WDR5: variants seen among roughly 807,000 people sequenced by gnomAD.
WDR5 encodes the protein WD repeat-containing protein 5.
For synonymous variants in WDR5, 144 were observed against 161.6 expected (o/e 0.89, Z 0.83); for missense variants, 187 against 416.9 (o/e 0.45, Z 4.80).
Position 134,142,407 on chromosome 9 carries a change from T to C in WDR5, c.429T>C (p.Leu143=). Residue 143 remains leucine (L), a synonymous_variant, in exon 6 of 14, where the codon CTT becomes CTC. Coordinates refer to ENST00000358625, the MANE Select transcript of WDR5 (RefSeq NM_017588.3). ...GCAACTTCAATCCCCAGTCCAACCTTATTGTCTCAGGATCCGTAAGTGTGG... is the reference window on the plus strand; with the variant it reads ...GCAACTTCAATCCCCAGTCCAACCTCATTGTCTCAGGATCCGTAAGTGTGG... ...FCCNFNPQSN[L]IVSGSFDESV... is the part of the protein sequence containing the mutation. 1 of 1,614,164 alleles carries C rather than the reference T, an allele frequency of 6.2e-7. No homozygotes were observed. The highest frequency in any genetic ancestry group is 2.2e-5 in the East Asian group (1 of 44,884).
intron 8 of WDR5, among the ~76,000 whole-genome samples, chr9:134,149,890 C>T (rs979012365): frequency 1.2e-4 from 19 of 152,168 alleles, no homozygotes; most frequent in African/African-American, 4.6e-4. Flanking sequence ...GCAGCGAGCT[C>T]GGCCACAGCT....
intron 8 of WDR5, among the ~76,000 whole-genome samples, chr9:134,149,260 G>A (rs1309343298): frequency 1.3e-5 from 2 of 152,148 alleles, no homozygotes; most frequent in Non-Finnish European, 2.9e-5. Context: ...CCCAACCACC[G>A]GCCTCCCATG....
chr9:134,144,035 T>G (rs1469216064), intron 7 of WDR5, among the ~76,000 whole-genome samples: 1 of 152,246 alleles, frequency 6.6e-6, no homozygotes, highest in Admixed American at 6.5e-5. Context: ...TGCCTTTCAC[T>G]TTGTGCCATC....
At chr9:134,135,505 C>T (rs1186421925), upstream of WDR5, 2 of 152,294 alleles carry the variant, frequency 1.3e-5, no homozygotes, top group Non-Finnish European at 2.9e-5. Context: ...GCAGCCGGCC[C>T]CGCGGGAAGG....
At chr9:134,152,589 C>T (rs769384002) in intron 9 of WDR5, among the ~76,000 whole-genome samples, 11 of 152,164 alleles carry the variant, frequency 7.2e-5, no homozygotes, top group East Asian at 3.9e-4. Context: ...CAGAAAGGAG[C>T]GGAAGGGTTT....
intron 8 of WDR5, among the ~76,000 whole-genome samples, chr9:134,150,046 C>T (rs956177005): frequency 4.6e-5 from 7 of 152,214 alleles, no homozygotes; most frequent in South Asian, 2.1e-4. Context: ...CTTATCCCAA[C>T]GATTCGAGAC....
chr9:134,139,821 C>A lies in WDR5; in HGVS notation c.-57C>A. 6.3e-7 allele frequency: 1 copy of A among 1,581,282 alleles called. No individual in the cohort carries two copies. Among genetic ancestry groups the A allele is most frequent in the Non-Finnish European group, 8.7e-7 (1 of 1,151,752 alleles). On this transcript the variant is annotated splice_region_variant and 5_prime_UTR_variant, in exon 2 of 14. In the 5' UTR this introduces an upstream ATG that the reference lacks. Coordinates refer to ENST00000358625, the MANE Select transcript of WDR5 (RefSeq NM_017588.3). Reference sequence around the variant, plus strand: ...CCTGTTCTGCATCTCGCTCAACAGACTGCCTCTGTCACCGGGTCCCTCCAC... The same window carrying A: ...CCTGTTCTGCATCTCGCTCAACAGAATGCCTCTGTCACCGGGTCCCTCCAC...
intron 1 of WDR5, among the ~76,000 whole-genome samples, chr9:134,137,684 C>CAA (rs538705043): frequency 0.15 from 15,678 of 104,828 alleles, 1,189 homozygotes; most frequent in East Asian, 0.27. Context: ...AAAACAAAAA[C>CAA]AAAAAAAAAA....
intron 3 of WDR5, 41 bp downstream of exon 3, chr9:134,140,852 C>T: frequency 6.3e-7 from 1 of 1,583,046 alleles, no homozygotes; most frequent in Non-Finnish European, 8.7e-7. Context: ...GAGAGGCGGT[C>T]TGAGCTGCAG....
intron 8 of WDR5, among the ~76,000 whole-genome samples, chr9:134,148,836 A>G (rs1832348184): frequency 6.6e-6 from 1 of 152,180 alleles, no homozygotes; most frequent in African/African-American, 2.4e-5. Context: ...AGGTCTCAGC[A>G]GGTGTTTGTA....
chr9:134,155,216 T>C, intron 10 of WDR5, 124 bp from the exon 11 acceptor site: 1 of 1,209,150 alleles, frequency 8.3e-7, no homozygotes, highest in Non-Finnish European at 1.1e-6. Context: ...GGAAGGGGGT[T>C]CCAGCCCCGC....
At chr9:134,142,296 T>G (rs1310983445) in intron 5 of WDR5, 37 bp from the exon 6 acceptor site, 1 of 1,595,002 alleles carries the variant, frequency 6.3e-7, no homozygotes, top group Non-Finnish European at 8.6e-7. Context: ...TTTGGGGAAA[T>G]AAGCACTGGA....
intron 11 of WDR5, 89 bp downstream of exon 11, chr9:134,155,462 A>T: frequency 6.7e-7 from 1 of 1,495,616 alleles, no homozygotes; most frequent in Non-Finnish European, 9.0e-7. Flanking sequence ...GTGATGACAA[A>T]GGAGAGGAGC....
chr9:134,140,278 A>G (rs922162906), intron 2 of WDR5, among the ~76,000 whole-genome samples: 2 of 152,160 alleles, frequency 1.3e-5, no homozygotes, highest in East Asian at 3.9e-4. Context: ...CAGTTCTGCA[A>G]GCCCTCCCGT....
chr9:134,150,305 T>C (rs1266452392), intron 8 of WDR5, among the ~76,000 whole-genome samples: 1 of 152,220 alleles, frequency 6.6e-6, no homozygotes, highest in African/African-American at 2.4e-5. Flanking sequence ...AAACCTATTA[T>C]CTAATTCTAC....
In WDR5 at chr9:134,157,246, C is replaced by A. The variant is rs1171696743; in HGVS notation, c.905-647C>A. Among the ~76,000 whole-genome samples, 2 of 152,250 alleles carry A rather than the reference C, an allele frequency of 1.3e-5. No individual in the cohort carries two copies. Among genetic ancestry groups the A allele is most frequent in the African/African-American group, 4.8e-5 (2 of 41,474 alleles). ...CCAGCCTGGGGTCAGTGCTTACGCTCCACGGCGGGCCTGGGCCTTCCCCTG... is the reference window on the plus strand; with the variant it reads ...CCAGCCTGGGGTCAGTGCTTACGCTACACGGCGGGCCTGGGCCTTCCCCTG... On this transcript the variant is annotated intron_variant, in intron 13 of 13. Transcript: ENST00000358625. The surrounding 1 kb of genome is among the most constrained non-coding windows in gnomAD (Gnocchi z 5.0).
intron 9 of WDR5, among the ~76,000 whole-genome samples, chr9:134,152,493 C>T (rs564980987): frequency 1.3e-5 from 2 of 152,190 alleles, no homozygotes; most frequent in Non-Finnish European, 2.9e-5. Context: ...GTGGCGTGGC[C>T]TGGATGGGAA....
chr9:134,142,810 C>T, intron 7 of WDR5, 91 bp downstream of exon 7: 1 of 1,329,656 alleles, frequency 7.5e-7, no homozygotes, highest in Non-Finnish European at 1.1e-6. Context: ...GGGCGTAAGC[C>T]TGGCCATGGC....
In WDR5 at chr9:134,154,347, G is replaced by A. The variant is rs1832651617; in HGVS notation, c.632-119G>A. On this transcript the variant is annotated intron_variant, in intron 9 of 13. Transcript: ENST00000358625. ...GGCGAGGGGTGGTGGTGCTGGCACT[G>A]ATGGTGGTGGCCGACCTCACTCAGA... 4.0e-6 allele frequency: 4 copies of A among 1,007,088 alleles called. No homozygotes were observed. In the Middle Eastern group the frequency reaches 6.2e-4, roughly 157 times the overall value. 62.4% of individuals were successfully genotyped at this position (1,007,088 alleles called of 1,614,324 possible).
Sources: allele counts gnomAD v4.1 joint callset (sites outside exome capture counted in the v4.1 genomes callset), GRCh38; gene constraint gnomAD v4.1.1; non-coding constraint Gnocchi (gnomAD v3.1); transcripts MANE v1.5; gene names NCBI Gene and HGNC (gene_info 2026-07-23, HGNC 2026-07-21).